Variants in EREG observed in about 807,000 individuals in gnomAD.
EREG encodes epiregulin, also known as proepiregulin.
A neutral mutation model predicts 22.4 loss-of-function variants in EREG; 23 were observed. The observed-to-expected ratio is 1.03, with a 90% CI of 0.74 to 1.46. The LOEUF (loss-of-function observed/expected upper bound fraction) is 1.46, where lower values mean the gene tolerates loss of function less well. Among genes scored for constraint, EREG ranks in the 40% most tolerant of loss-of-function variants. The pLI, the probability that EREG is intolerant of heterozygous loss-of-function variation, is 0.00. For synonymous variants in EREG, 100 were observed against 75.4 expected (o/e 1.33, Z -1.69); for missense variants, 226 against 205.9 (o/e 1.10, Z -0.60).
chr4:74,369,801 T>C (rs1280993002), intron 1 of EREG, among the ~76,000 whole-genome samples: 4 of 152,052 alleles, frequency 2.6e-5, no homozygotes, highest in African/African-American at 9.7e-5. Context: ...GATTTATCTC[T>C]GAGCCTCAGT....
rs753019014 is a variant in EREG, at chr4:74,382,806, T to G, written c.428+12T>G. Reference sequence around the variant, plus strand: ...TATTTCTGCAGATGGTAAGTCAGTGTGGTTTTATACTCTGCTTTTACAAAT... The same window carrying G: ...TATTTCTGCAGATGGTAAGTCAGTGGGGTTTTATACTCTGCTTTTACAAAT... On this transcript the variant is annotated intron_variant, in intron 4 of 4. Coordinates refer to ENST00000244869, the MANE Select transcript of EREG (RefSeq NM_001432.3). The G allele has an allele frequency of 6.2e-7, 1 of 1,606,204 alleles. No individual in the cohort carries two copies. The highest frequency in any genetic ancestry group is 1.7e-5 in the Admixed American group (1 of 59,056).
chr4:74,383,116 C>T (rs974862237), intron 4 of EREG, among the ~76,000 whole-genome samples: 2 of 152,148 alleles, frequency 1.3e-5, no homozygotes, highest in African/African-American at 4.8e-5. Context: ...ATTATCAGCT[C>T]TGATACTTAT....
At chr4:74,384,556 A>T (rs771972711) in intron 4 of EREG, among the ~76,000 whole-genome samples, 171 bp from the exon 5 acceptor site, 82 of 140,276 alleles carry the variant, frequency 5.8e-4, no homozygotes, top group Non-Finnish European at 7.7e-4. Context: ...ACAGCACATC[A>T]CCTCTTCATC....
chr4:74,379,980 A>G (rs528082376), intron 2 of EREG, among the ~76,000 whole-genome samples: 6 of 152,356 alleles, frequency 3.9e-5, no homozygotes, highest in Non-Finnish European at 8.8e-5. Context: ...CACAGTGTTC[A>G]TTCAGAAAAC....
intron 1 of EREG, among the ~76,000 whole-genome samples, chr4:74,370,682 G>A (rs1752275306): frequency 1.3e-5 from 2 of 152,038 alleles, no homozygotes; most frequent in South Asian, 4.1e-4. Context: ...GAAGAGAGAG[G>A]GGTTACTGAG....
At chr4:74,379,373 C>G in intron 1 of EREG, 75 bp from the exon 2 acceptor site, 1 of 880,622 alleles carries the variant, frequency 1.1e-6, no homozygotes, top group Non-Finnish European at 1.9e-6. Context: ...ATAAGTACTG[C>G]AGTTATGTAG....
chr4:74,365,385 C>A lies in EREG; in HGVS notation c.67+10C>A, dbSNP rs751303720. 1 of 1,611,554 alleles carries A rather than the reference C, an allele frequency of 6.2e-7. No individual in the cohort carries two copies. ...CTGCTGCTCTGCCTGGGTAAGTTCT[C>A]CCCCTCTGGCTTCCGGCCGCCCCAA... On this transcript the variant is annotated intron_variant, in intron 1 of 4. Coordinates refer to ENST00000244869, the MANE Select transcript of EREG (RefSeq NM_001432.3).
Position 74,386,031 on chromosome 4 carries a change from T to C in EREG, c.*1223T>C, listed in dbSNP as rs2110391023. On this transcript the variant is annotated 3_prime_UTR_variant, in exon 5 of 5. Transcript: ENST00000244869. ...TGGAGGCTGAGATGAAAACTAGGGCTCATTTTCCTGACATTTGTTTATTTT... is the reference window on the plus strand; with the variant it reads ...TGGAGGCTGAGATGAAAACTAGGGCCCATTTTCCTGACATTTGTTTATTTT... The C allele has an allele frequency of 5.4e-6, 2 of 367,876 alleles. No homozygotes were observed. Among genetic ancestry groups the C allele is most frequent in the East Asian group, 7.5e-5 (2 of 26,616 alleles). The allele number at this position is 367,876 out of a possible 1,614,324, so 22.8% of individuals were successfully genotyped here. A position where few individuals can be genotyped will look rare whatever the true frequency, so the allele number is the denominator to read the frequency against.
chr4:74,379,644 G>T, intron 2 of EREG, 110 bp downstream of exon 2: 2 of 625,766 alleles, frequency 3.2e-6, no homozygotes, highest in South Asian at 2.3e-5. Flanking sequence ...GGTAAGAATA[G>T]CTGCTATATT....
rs1278486300 is a variant in EREG, at chr4:74,373,624, GTATATATATATT to G, written c.68-5815_68-5804del. On this transcript the variant is annotated intron_variant, in intron 1 of 4. Transcript: ENST00000244869. Reference sequence around the variant, plus strand: ...TATATATGTGTGTATATATGTGAGTGTATATATATATTTATATATAAGTAATATATGTATATA... The same window carrying G: ...TATATATGTGTGTATATATGTGAGTGTATATATAAGTAATATATGTATATA... Among the ~76,000 whole-genome samples, 15 of 143,810 alleles carry G rather than the reference GTATATATATATT, an allele frequency of 1.0e-4. No homozygotes were observed. The East Asian group carries it at 3.0e-3, about 29-fold the overall frequency. 94.3% of individuals were successfully genotyped at this position (143,810 alleles called of 152,430 possible).
rs140211170 is a variant in EREG, at chr4:74,365,307, C to G, written c.-2C>G. The stretch of plus-strand genomic sequence containing the variant: ...AAGCCCCAGCGCCCGCTCCCATCGC[C>G]GATGACCGCGGGGAGGAGGATGGAG... On this transcript the variant is annotated 5_prime_UTR_variant, in exon 1 of 5. Coordinates refer to ENST00000244869, the MANE Select transcript of EREG (RefSeq NM_001432.3). The G allele has an allele frequency of 3.0e-5, 48 of 1,603,656 alleles. No homozygotes were observed. The African/African-American group carries it at 5.2e-4, about 17-fold the overall frequency.
intron 2 of EREG, 29 bp downstream of exon 2, chr4:74,379,563 A>G: frequency 8.2e-7 from 1 of 1,225,914 alleles, no homozygotes. Flanking sequence ...ATGTGGCATC[A>G]AGAGACTACA....
At chr4:74,365,831 A>C (rs1420097900) in intron 1 of EREG, among the ~76,000 whole-genome samples, 4 of 152,092 alleles carry the variant, frequency 2.6e-5, no homozygotes, top group Admixed American at 6.6e-5. Context: ...TCTTGCGCTC[A>C]GTTTTCTAAA....
intron 1 of EREG, among the ~76,000 whole-genome samples, chr4:74,371,494 T>A (rs1752289095): frequency 6.6e-6 from 1 of 152,126 alleles, no homozygotes; most frequent in Non-Finnish European, 1.5e-5. Context: ...CAAACTTAAT[T>A]TTCTTTTTTC....
intron 1 of EREG, among the ~76,000 whole-genome samples, chr4:74,373,700 GTATA>G (rs1049531798): frequency 6.8e-6 from 1 of 146,744 alleles, no homozygotes; most frequent in Non-Finnish European, 1.5e-5. Flanking sequence ...ATATTTATAA[GTATA>G]TATGTATGTA....
At chr4:74,384,034 C>T (rs1035874034) in intron 4 of EREG, among the ~76,000 whole-genome samples, 5 of 152,068 alleles carry the variant, frequency 3.3e-5, no homozygotes, top group Non-Finnish European at 5.9e-5. Context: ...GTCTTATTTC[C>T]AAAATAGGGA....
rs945063514 is a variant in EREG at position 74,385,120 on chromosome 4, G to C, written c.*312G>C. The C allele has an allele frequency of 1.9e-5, 4 of 210,274 alleles. No individual in the cohort carries two copies. The highest frequency in any genetic ancestry group is 2.8e-5 in the Non-Finnish European group (3 of 106,110). The allele number at this position is 210,274 out of a possible 1,614,324, so 13.0% of individuals were successfully genotyped here. ...GTGCTTAGAAGTAAGCAATTCCCAG[G>C]TCATAGCTCAAGAATTGTTAGCAAA... On this transcript the variant is annotated 3_prime_UTR_variant, in exon 5 of 5. Transcript: ENST00000244869.
In EREG at chr4:74,381,008, T is replaced by C. The variant is rs370963182; in HGVS notation, c.155-6T>C. On this transcript the variant is annotated splice_region_variant and splice_polypyrimidine_tract_variant and intron_variant, in intron 2 of 4. Coordinates refer to ENST00000244869, the MANE Select transcript of EREG (RefSeq NM_001432.3). Reference sequence around the variant, plus strand: ...GAATATATTCAACTTTCCACTTCTTTTACAGTTCAGACAGAAGACAATCCA... The same window carrying C: ...GAATATATTCAACTTTCCACTTCTTCTACAGTTCAGACAGAAGACAATCCA... 4.3e-6 allele frequency: 7 copies of C among 1,610,392 alleles called. No homozygotes were observed. The African/African-American group carries it at 8.0e-5, about 18-fold the overall frequency.
In EREG at chr4:74,385,263, AC is replaced by A. The variant is rs1225069004; in HGVS notation, c.*457del. The A allele has an allele frequency of 6.5e-6, 1 of 154,354 alleles. No individual in the cohort carries two copies. Among genetic ancestry groups the A allele is most frequent in the Admixed American group, 6.4e-5 (1 of 15,540 alleles). 9.6% of individuals were successfully genotyped at this position (154,354 alleles called of 1,614,324 possible). ...TACCATGGTTTGATATGTAGTTGGC[AC>A]CATGGTATCATATATTAAAACAATA... On this transcript the variant is annotated 3_prime_UTR_variant, in exon 5 of 5. Transcript: ENST00000244869.
Sources: gnomAD v4.1 joint callset for allele counts (sites outside exome capture counted in the v4.1 genomes callset) on GRCh38, gnomAD v4.1.1 for gene constraint, MANE v1.5 for transcripts, NCBI Gene and HGNC (gene_info 2026-07-23, HGNC 2026-07-21) for gene names.